WASHC2A: variants seen among roughly 807,000 people sequenced by gnomAD.
The protein encoded by WASHC2A is WASH complex subunit 2A.
A neutral mutation model predicts 140.3 loss-of-function variants in WASHC2A; 82 were observed. That is an observed-to-expected ratio of 0.58 (90% CI 0.49 to 0.70). The LOEUF (loss-of-function observed/expected upper bound fraction) is 0.70, where lower values mean the gene tolerates loss of function less well. WASHC2A is among the 30% of genes least tolerant of loss of function. The pLI, the probability that WASHC2A is intolerant of heterozygous loss-of-function variation, is 0.00. For synonymous variants in WASHC2A, 340 were observed against 560.8 expected (o/e 0.61, Z 5.56); for missense variants, 985 against 1,521.8 (o/e 0.65, Z 5.87).
chr10:50,125,210 T>G lies in WASHC2A; in HGVS notation c.2576T>G (p.Val859Gly). 1.2e-6 allele frequency: 2 copies of G among 1,609,864 alleles called. No individual in the cohort carries two copies. The highest frequency in any genetic ancestry group is 1.7e-6 in the Non-Finnish European group (2 of 1,179,156). ...HKLQKDNDPD[V>G]DLFAGTKKTK... is the part of the protein sequence containing the mutation. ...CTCCAAAAGGACAATGACCCAGATGTTGACCTTTTTGCTGGCACCAAAAAA... is the reference window on the plus strand; with the variant it reads ...CTCCAAAAGGACAATGACCCAGATGGTGACCTTTTTGCTGGCACCAAAAAA... Residue 859 changes from valine (V) to glycine (G), a missense_variant, in exon 24 of 31, where the codon GTT (valine) becomes GGT (glycine). Physicochemically the swap from Val to Gly is moderately radical, Grantham distance 109. Coordinates refer to ENST00000282633, the MANE Select transcript of WASHC2A (RefSeq NM_001005751.3).
At chr10:50,107,599 C>T (rs1841906875) in intron 19 of WASHC2A, among the ~76,000 whole-genome samples, 1 of 142,018 alleles carries the variant, frequency 7.0e-6, no homozygotes, top group African/African-American at 2.8e-5. Flanking sequence ...TTTAAAAATT[C>T]CGAAGCAGAT....
intron 18 of WASHC2A, among the ~76,000 whole-genome samples, chr10:50,105,188 T>G (rs1380825439): frequency 1.3e-5 from 2 of 151,908 alleles, no homozygotes; most frequent in Non-Finnish European, 2.9e-5. Flanking sequence ...GTCCTGACCA[T>G]TGTCTTTCTT....
Position 50,090,797 on chromosome 10 carries a change from G to T in WASHC2A, c.754G>T (p.Glu252Ter). Residue 252 changes from glutamate (E) to a stop codon, truncating the protein, a stop_gained, in exon 9 of 31, where the codon GAG (glutamate) becomes TAG (stop). Transcript: ENST00000282633. LOFTEE classifies it high-confidence loss of function. ...TTAGCACACCACACAAATGAGTGAT[G>T]AGGAAGAGGATGATGATGGCTGTGA... ...QNRHTTQMSDEEEDDDGCDLF... is the reference protein window; with the variant it reads ...QNRHTTQMSD 6.2e-7 allele frequency: 1 copy of T among 1,611,386 alleles called. No individual in the cohort carries two copies. The highest frequency in any genetic ancestry group is 2.2e-5 in the East Asian group (1 of 44,852).
chr10:50,069,660 T>G lies in WASHC2A; in HGVS notation c.240T>G (p.His80Gln). 6.2e-7 allele frequency: 1 copy of G among 1,614,028 alleles called. No homozygotes were observed. Residue 80 changes from histidine (H) to glutamine (Q), a missense_variant, in exon 3 of 31, where the codon CAT becomes CAG. Coordinates refer to ENST00000282633, the MANE Select transcript of WASHC2A (RefSeq NM_001005751.3). ...CCAAAGCCACAGATTGTCGCCTGCA[T>G]AATGTCTTCAATGACTTCCTTATGC... ...RETKATDCRL[H>Q]NVFNDFLMLS...
At chr10:50,069,850 A>T in intron 3 of WASHC2A, 139 bp downstream of exon 3, 1 of 1,050,604 alleles carries the variant, frequency 9.5e-7, no homozygotes, top group Non-Finnish European at 1.3e-6. Context: ...CTCTGGGATT[A>T]ATACCTCTTT....
At chr10:50,108,906 A>AAAC (rs1842021557) in intron 19 of WASHC2A, among the ~76,000 whole-genome samples, 1 of 151,252 alleles carries the variant, frequency 6.6e-6, no homozygotes, top group Non-Finnish European at 1.5e-5. Flanking sequence ...AAAAAAAAAA[A>AAAC]AAAAAAGAAG....
chr10:50,095,445 C>G lies in WASHC2A; in HGVS notation c.1241-154C>G, dbSNP rs1589209326. ...TGGTGATTCTCCGTTGTGAGATGTT[C>G]TGTAGCAGTAATGGATGGAGGCTAT... On this transcript the variant is annotated intron_variant, in intron 14 of 30. Transcript: ENST00000282633. Among the ~76,000 whole-genome samples the G allele has an allele frequency of 1.2e-4, 19 of 152,172 alleles. No homozygotes were observed. The South Asian group carries it at 4.0e-3, about 32-fold the overall frequency.
At chr10:50,103,618 A>G (rs2132752659) in intron 17 of WASHC2A, among the ~76,000 whole-genome samples, 1 of 152,176 alleles carries the variant, frequency 6.6e-6, no homozygotes, top group East Asian at 1.9e-4. Context: ...ACTAAATAAA[A>G]TAGTTGTAGC....
chr10:50,095,472 G>A (rs527567621), intron 14 of WASHC2A, 127 bp from the exon 15 acceptor site: 1 of 1,386,366 alleles, frequency 7.2e-7, no homozygotes, highest in Non-Finnish European at 1.0e-6. Flanking sequence ...GGAGGCTATT[G>A]GGCCCTGTTA....
intron 18 of WASHC2A, among the ~76,000 whole-genome samples, chr10:50,104,377 T>C (rs547281344): frequency 6.7e-6 from 1 of 150,038 alleles, no homozygotes; most frequent in African/African-American, 2.4e-5. Flanking sequence ...TTTTTTTTTT[T>C]TTTTTCCGAG....
chr10:50,093,400 A>G lies in WASHC2A; in HGVS notation c.1122+14A>G, dbSNP rs1840123662. On this transcript the variant is annotated intron_variant, in intron 12 of 30. Transcript: ENST00000282633. Reference sequence around the variant, plus strand: ...GAGGACGAGGAGGTGAGTCCATGGCACCCAGCAACACTCCCTGCAGCTAGC... The same window carrying G: ...GAGGACGAGGAGGTGAGTCCATGGCGCCCAGCAACACTCCCTGCAGCTAGC... 1.8e-5 allele frequency: 24 copies of G among 1,354,148 alleles called. 4 individuals are homozygous for G. Among genetic ancestry groups the G allele is most frequent in the Non-Finnish European group, 2.2e-5 (21 of 972,440 alleles). The allele number at this position is 1,354,148 out of a possible 1,614,324, so 83.9% of individuals were successfully genotyped here.
At chr10:50,087,859 A>G (rs1424088677) in intron 8 of WASHC2A, among the ~76,000 whole-genome samples, 1 of 151,590 alleles carries the variant, frequency 6.6e-6, no homozygotes, top group African/African-American at 2.4e-5. Context: ...CTTGTTGTCC[A>G]GGCTGGAGTG....
intron 11 of WASHC2A, among the ~76,000 whole-genome samples, chr10:50,092,843 AG>A (rs1840064970): frequency 6.6e-6 from 1 of 152,214 alleles, no homozygotes; most frequent in African/African-American, 2.4e-5. Flanking sequence ...AGGATACACC[AG>A]GCCTTTTTCT....
intron 20 of WASHC2A, among the ~76,000 whole-genome samples, chr10:50,110,693 C>A (rs1295339271): frequency 2.0e-5 from 3 of 151,874 alleles, no homozygotes; most frequent in African/African-American, 7.3e-5. Flanking sequence ...GAGTTCAAGA[C>A]CAGCCTGGCC....
Position 50,084,064 on chromosome 10 carries a change from A to T in WASHC2A, c.529-8A>T. On this transcript the variant is annotated splice_region_variant and splice_polypyrimidine_tract_variant and intron_variant, in intron 5 of 30. Coordinates refer to ENST00000282633, the MANE Select transcript of WASHC2A (RefSeq NM_001005751.3). ...TGTTTGACAGCCTATTCCTTTCATGATGTACAGGATCTATACATTGATCGT... is the reference window on the plus strand; with the variant it reads ...TGTTTGACAGCCTATTCCTTTCATGTTGTACAGGATCTATACATTGATCGT... The T allele has an allele frequency of 6.2e-7, 1 of 1,611,190 alleles. No individual in the cohort carries two copies. Among genetic ancestry groups the T allele is most frequent in the Non-Finnish European group, 8.5e-7 (1 of 1,179,772 alleles).
intron 1 of WASHC2A, 43 bp downstream of exon 1, chr10:50,068,051 C>T (rs371372722): frequency 5.0e-6 from 8 of 1,607,918 alleles, no homozygotes; most frequent in East Asian, 2.2e-5. Flanking sequence ...GGGCTGGGGC[C>T]GCCGTCCCTG....
Position 50,129,711 on chromosome 10 carries a change from C to T in WASHC2A, c.3380C>T (p.Ala1127Val), listed in dbSNP as rs1314379350. The T allele has an allele frequency of 6.2e-7, 1 of 1,612,060 alleles. No individual in the cohort carries two copies. Among genetic ancestry groups the T allele is most frequent in the Admixed American group, 1.7e-5 (1 of 60,018 alleles). The change falls in exon 29 of 31, where the codon GCT (alanine) becomes GTT (valine). Residue 1127 changes from alanine to valine, a missense_variant. By Grantham distance (64) the Ala-to-Val change is moderately conservative. Coordinates refer to ENST00000282633, the MANE Select transcript of WASHC2A (RefSeq NM_001005751.3). ...AKSLGHSRGE[A>V]DLFDSGDIFS... ...TCTCTGGGTCATTCCAGAGGGGAGG[C>T]TGACCTTTTTGATTCTGGGGACATC...
At chr10:50,124,413 A>G (rs1554894245) in intron 23 of WASHC2A, among the ~76,000 whole-genome samples, 4 of 151,802 alleles carry the variant, frequency 2.6e-5, no homozygotes, top group African/African-American at 9.7e-5. Context: ...CTTTTTGTTA[A>G]GTTTTAATCT....
chr10:50,103,401 T>A (rs1431995700), intron 17 of WASHC2A, among the ~76,000 whole-genome samples: 1 of 151,602 alleles, frequency 6.6e-6, no homozygotes, highest in African/African-American at 2.4e-5. Flanking sequence ...CTACTAAAAA[T>A]ACAAAAAAAT....
Sources: gnomAD v4.1 joint callset for allele counts (sites outside exome capture counted in the v4.1 genomes callset) on GRCh38, gnomAD v4.1.1 for gene constraint, MANE v1.5 for transcripts, NCBI Gene and HGNC (gene_info 2026-07-23, HGNC 2026-07-21) for gene names.